Variants in COL6A1 observed in about 807,000 individuals in gnomAD.
COL6A1 encodes the protein collagen type VI alpha 1 chain, also known as collagen alpha-1(VI) chain.
In COL6A1, 80 loss-of-function variants were observed where a neutral mutation model predicts 145.6. The observed-to-expected ratio is 0.55, with a 90% CI of 0.46 to 0.66. The LOEUF (loss-of-function observed/expected upper bound fraction) is 0.66, where lower values mean the gene tolerates loss of function less well. Among genes scored for constraint, COL6A1 ranks in the 30% least tolerant of loss-of-function variants. The pLI, the probability that COL6A1 is intolerant of heterozygous loss-of-function variation, is 0.00. For missense variants in COL6A1, 1,364 were observed against 1,473.8 expected (o/e 0.93, Z 1.22); for synonymous variants, 638 against 622.8 (o/e 1.02, Z -0.36).
intron 1 of COL6A1, among the ~76,000 whole-genome samples, 194 bp from the exon 2 acceptor site, chr21:45,982,440 C>A (rs2077713168): frequency 6.6e-6 from 1 of 152,206 alleles, no homozygotes; most frequent in Non-Finnish European, 1.5e-5. Context: ...GGCACAGGAG[C>A]GGTTTGGGGT....
chr21:45,987,134 C>T (rs373438206), intron 5 of COL6A1, 21 bp from the exon 6 acceptor site: 15 of 1,593,896 alleles, frequency 9.4e-6, no homozygotes, highest in African/African-American at 6.7e-5. Context: ...AGTAATTCTG[C>T]GTTTCCATTT....
intron 14 of COL6A1, 72 bp from the exon 15 acceptor site, chr21:45,990,907 G>A: frequency 6.2e-7 from 1 of 1,608,222 alleles, no homozygotes; most frequent in East Asian, 2.2e-5. Context: ...CTTCTGTCTG[G>A]GCGGTCTGGG....
At chr21:45,997,890 G>A (rs2077815367) in intron 22 of COL6A1, 128 bp downstream of exon 22, 13 of 1,167,312 alleles carry the variant, frequency 1.1e-5, no homozygotes, top group Admixed American at 2.4e-5. Context: ...AGCATCACTG[G>A]CTCCTGGCCA....
intron 14 of COL6A1, 51 bp downstream of exon 14, chr21:45,990,877 C>T (rs1318375125): frequency 2.5e-6 from 4 of 1,610,000 alleles, no homozygotes; most frequent in Non-Finnish European, 3.4e-6. Context: ...GTCAGCAGCA[C>T]CTCGTGTGGA....
At chr21:46,000,076 TACCC>T (rs2123486805) in intron 27 of COL6A1, among the ~76,000 whole-genome samples, 1 of 138,016 alleles carries the variant, frequency 7.2e-6, no homozygotes, top group Non-Finnish European at 1.6e-5. Flanking sequence ...GGGGGACCTG[TACCC>T]ATGAGGACCA....
rs558148906 is a variant in COL6A1, at chr21:46,002,224, C to G, written c.2073C>G (p.Ile691Met). The G allele has an allele frequency of 1.2e-6, 2 of 1,601,684 alleles. No individual in the cohort carries two copies. Among genetic ancestry groups the G allele is most frequent in the South Asian group, 2.2e-5 (2 of 89,534 alleles). ...IRNVQELKEA[I>M]KSLQWMAGGT... ...CCTGCCCTTTGCTATGCAGAGCCAT[C>G]AAGAGCCTGCAGTGGATGGCGGGCG... The change falls in exon 32 of 35, where the codon ATC (isoleucine) becomes ATG (methionine). Residue 691 changes from isoleucine (I) to methionine (M), a missense_variant. Coordinates refer to ENST00000361866, the MANE Select transcript of COL6A1 (RefSeq NM_001848.3).
chr21:45,987,532 C>T lies in COL6A1; in HGVS notation c.759+13C>T, dbSNP rs1250324207. 5.8e-5 allele frequency: 93 copies of T among 1,612,780 alleles called. No homozygotes were observed. Among genetic ancestry groups the T allele is most frequent in the Non-Finnish European group, 7.3e-5 (86 of 1,179,978 alleles). On this transcript the variant is annotated intron_variant, in intron 7 of 34. Transcript: ENST00000361866. ...CTTCGAATGCCAGGTGAGTGTGCCC[C>T]CCGACCCCTGACCCCGCGCCCTGCA...
At position 46,002,662 on chromosome 21, in the gene COL6A1, C is replaced by A. The variant is rs761754895; in HGVS notation, c.2386C>A (p.Leu796Met). 9 of 1,613,920 alleles carry A rather than the reference C, an allele frequency of 5.6e-6. No homozygotes were observed. The highest frequency in any genetic ancestry group is 7.6e-6 in the Non-Finnish European group (9 of 1,179,982). Residue 796 changes from leucine to methionine, a missense_variant, in exon 33 of 35, where the codon CTG (leucine) becomes ATG (methionine). By Grantham distance (15) the Leu-to-Met change is conservative (BLOSUM62 2). Around this residue, in one of 3 missense-constraint regions of COL6A1, gnomAD observed 938 missense variants for 1,003.8 expected, o/e 0.93. Coordinates refer to ENST00000361866, the MANE Select transcript of COL6A1 (RefSeq NM_001848.3). ...GCTGGTCAAGGAGAACTATGCAGAG[C>A]TGCTGGAGGATGCCTTCCTGAAGAA... Reference protein sequence around the residue: ...LSLVKENYAELLEDAFLKNVT... With the variant: ...LSLVKENYAEMLEDAFLKNVT...
chr21:45,992,033 G>T lies in COL6A1; in HGVS notation c.1143G>T (p.Glu381Asp). ...AGGGCGAGCCTGGAGCTGACGGGGAGGCGGGGAGACCAGGGAGCTCGGGAC... is the reference window on the plus strand; with the variant it reads ...AGGGCGAGCCTGGAGCTGACGGGGATGCGGGGAGACCAGGGAGCTCGGGAC... The part of the protein sequence containing the change: ...GEKGEPGADG[E>D]AGRPGSSGPS... The change falls in exon 16 of 35, where the codon GAG becomes GAT. Residue 381 changes from glutamate (E) to aspartate (D), a missense_variant. Glu to Asp is a conservative substitution (Grantham distance 45). Around this residue, in one of 3 missense-constraint regions of COL6A1, gnomAD observed 938 missense variants for 1,003.8 expected, o/e 0.93. Coordinates refer to ENST00000361866, the MANE Select transcript of COL6A1 (RefSeq NM_001848.3). The T allele has an allele frequency of 1.2e-6, 2 of 1,604,778 alleles. No individual in the cohort carries two copies. Among genetic ancestry groups the T allele is most frequent in the East Asian group, 2.2e-5 (1 of 44,532 alleles).
intron 14 of COL6A1, 71 bp from the exon 15 acceptor site, chr21:45,990,908 G>A (rs979099035): frequency 1.2e-5 from 19 of 1,608,708 alleles, no homozygotes; most frequent in South Asian, 5.5e-5. Context: ...TTCTGTCTGG[G>A]CGGTCTGGGG....
rs989789945 is a variant in COL6A1 at position 45,994,014 on chromosome 21, C to T, written c.1336-153C>T. Among the ~76,000 whole-genome samples, 2 of 152,180 alleles carry T rather than the reference C, an allele frequency of 1.3e-5. No individual in the cohort carries two copies. The highest frequency in any genetic ancestry group is 4.8e-5 in the African/African-American group (2 of 41,444). ...TGGCCACGCACGTGGGCCGAGGAAACGCTTGGCGAGGCCAGGAAGGGGCTG... is the reference window on the plus strand; with the variant it reads ...TGGCCACGCACGTGGGCCGAGGAAATGCTTGGCGAGGCCAGGAAGGGGCTG... On this transcript the variant is annotated intron_variant, in intron 19 of 34. Transcript: ENST00000361866. The surrounding 1 kb of genome is among the most constrained non-coding windows in gnomAD (Gnocchi z 6.8).
Position 45,999,191 on chromosome 21 carries a change from G to A in COL6A1, c.1713G>A (p.Lys571=). The change falls in exon 26 of 35, where the codon AAG becomes AAA. Residue 571 remains lysine, a synonymous_variant. Transcript: ENST00000361866. ...CACCCCGAGGAGTCAAAGGAGCAAA[G>A]GGGTACCGGGGTCCCGAGGGCCCCC... is the stretch of plus-strand genomic sequence containing the variant. ...DIAPRGVKGA[K]GYRGPEGPQG... 1 of 1,602,694 alleles carries A rather than the reference G, an allele frequency of 6.2e-7. No homozygotes were observed. The highest frequency in any genetic ancestry group is 8.5e-7 in the Non-Finnish European group (1 of 1,175,656).
At chr21:45,987,716 C>T in intron 8 of COL6A1, 62 bp downstream of exon 8, 1 of 1,548,154 alleles carries the variant, frequency 6.5e-7, no homozygotes, top group Non-Finnish European at 8.7e-7. Context: ...GTGGCAGGAC[C>T]AAAGCCTCCT....
At chr21:45,983,921 A>G (rs1194692456) in intron 2 of COL6A1, among the ~76,000 whole-genome samples, 1 of 152,158 alleles carries the variant, frequency 6.6e-6, no homozygotes, top group African/African-American at 2.4e-5. Context: ...CCTCAGGCTC[A>G]GGTGCTCAGA....
chr21:45,997,856 C>T (rs981587655), intron 22 of COL6A1, 94 bp downstream of exon 22: 7 of 1,391,824 alleles, frequency 5.0e-6, no homozygotes, highest in Non-Finnish European at 6.9e-6. Context: ...GCCTGGGGTC[C>T]CTGACCGGGC....
intron 9 of COL6A1, 137 bp downstream of exon 9, chr21:45,989,274 C>A: frequency 1.0e-6 from 1 of 957,806 alleles, no homozygotes; most frequent in Non-Finnish European, 1.5e-6. Flanking sequence ...GGGAGCAGAC[C>A]TGGAGGGGCC....
rs749423625 is a variant in COL6A1 at position 45,998,974 on chromosome 21, G to A, written c.1674+15G>A. Reference sequence around the variant, plus strand: ...CCGGAGACGATGTAAGTGTGGATGGGAGGCAGGGCCAGCCCCAAGTCCACC... The same window carrying A: ...CCGGAGACGATGTAAGTGTGGATGGAAGGCAGGGCCAGCCCCAAGTCCACC... On this transcript the variant is annotated intron_variant, in intron 25 of 34. Coordinates refer to ENST00000361866, the MANE Select transcript of COL6A1 (RefSeq NM_001848.3). 25 of 1,551,816 alleles carry A rather than the reference G, an allele frequency of 1.6e-5. No individual in the cohort carries two copies. The highest frequency in any genetic ancestry group is 2.4e-5 in the South Asian group (2 of 84,198).
intron 15 of COL6A1, 86 bp downstream of exon 15, chr21:45,991,127 G>A: frequency 6.8e-7 from 1 of 1,471,578 alleles, no homozygotes; most frequent in Non-Finnish European, 9.5e-7. Flanking sequence ...AGCAAGTCCT[G>A]GTCCGAGCAT....
Position 46,002,203 on chromosome 21 carries a change from C to T in COL6A1, c.2067-15C>T, listed in dbSNP as rs565893011. 15 of 1,593,694 alleles carry T rather than the reference C, an allele frequency of 9.4e-6. No individual in the cohort carries two copies. The highest frequency in any genetic ancestry group is 8.7e-5 in the Admixed American group (5 of 57,282). ...GCCTGGCCCCAACCGGCCCTTCCTG[C>T]CCTTTGCTATGCAGAGCCATCAAGA... is the stretch of plus-strand genomic sequence containing the variant. On this transcript the variant is annotated splice_polypyrimidine_tract_variant and intron_variant, in intron 31 of 34. Coordinates refer to ENST00000361866, the MANE Select transcript of COL6A1 (RefSeq NM_001848.3).
Sources: gnomAD v4.1 joint callset for allele counts (sites outside exome capture counted in the v4.1 genomes callset) on GRCh38, gnomAD v4.1.1 for gene constraint, gnomAD v4.1.1 regional missense constraint, Gnocchi (gnomAD v3.1) non-coding constraint, MANE v1.5 for transcripts, NCBI Gene and HGNC (gene_info 2026-07-23, HGNC 2026-07-21) for gene names.